Variants in DYM observed in about 807,000 individuals in gnomAD.
DYM encodes dymeclin.
DYM carries 78 observed loss-of-function variants against 93.1 expected under a neutral mutation model. The observed-to-expected ratio is 0.84, with a 90% CI of 0.70 to 1.01. The LOEUF (loss-of-function observed/expected upper bound fraction) is 1.01. DYM is among the 50% of genes least tolerant of loss of function. DYM has a pLI of 0.00. For synonymous variants in DYM, 321 were observed against 319.7 expected (o/e 1.00, Z -0.04); for missense variants, 789 against 845.0 (o/e 0.93, Z 0.82).
chr18:49,213,748 TCTCC>T (rs1471167767), intron 13 of DYM, among the ~76,000 whole-genome samples: 2 of 152,218 alleles, frequency 1.3e-5, no homozygotes, highest in Non-Finnish European at 2.9e-5. Context: ...TCTTCCCTCC[TCTCC>T]TTCCTTTGAG....
At chr18:49,143,621 T>A (rs1479241581) in intron 15 of DYM, among the ~76,000 whole-genome samples, 1 of 152,144 alleles carries the variant, frequency 6.6e-6, no homozygotes, top group Non-Finnish European at 1.5e-5. Context: ...TCTTTCTGAT[T>A]CCAATACTCA....
chr18:49,328,838 C>T (rs1205217960), intron 8 of DYM, among the ~76,000 whole-genome samples: 1 of 152,174 alleles, frequency 6.6e-6, no homozygotes, highest in Non-Finnish European at 1.5e-5. Flanking sequence ...GTTGGTGGGA[C>T]TGTAAACTAG....
At chr18:49,060,086 C>T (rs1449003748) in intron 17 of DYM, among the ~76,000 whole-genome samples, 3 of 151,932 alleles carry the variant, frequency 2.0e-5, no homozygotes, top group Non-Finnish European at 4.4e-5. Context: ...AAGATAAATG[C>T]AAATGAAAAA....
chr18:49,445,577 T>C (rs2082028865), intron 1 of DYM, among the ~76,000 whole-genome samples: 1 of 152,062 alleles, frequency 6.6e-6, no homozygotes, highest in Non-Finnish European at 1.5e-5. Context: ...AAGAACAATT[T>C]AGAAGATTTT....
chr18:49,106,214 G>A (rs529628327), intron 16 of DYM, among the ~76,000 whole-genome samples: 1 of 152,222 alleles, frequency 6.6e-6, no homozygotes, highest in Non-Finnish European at 1.5e-5. Flanking sequence ...TGTTTTATCA[G>A]AGACTAGGAT....
chr18:49,436,854 A>C (rs2080903264), intron 1 of DYM, among the ~76,000 whole-genome samples: 1 of 152,170 alleles, frequency 6.6e-6, no homozygotes, highest in South Asian at 2.1e-4. Flanking sequence ...AATCATAACA[A>C]TTTGTTCTCA....
At chr18:49,337,922 A>C (rs570852445) in intron 6 of DYM, among the ~76,000 whole-genome samples, 1 of 152,204 alleles carries the variant, frequency 6.6e-6, no homozygotes, top group African/African-American at 2.4e-5. Flanking sequence ...GTAGTTTTGA[A>C]GGAAAATAAG....
chr18:49,311,366 C>T (rs1351193470), intron 8 of DYM, among the ~76,000 whole-genome samples: 1 of 152,140 alleles, frequency 6.6e-6, no homozygotes, highest in Non-Finnish European at 1.5e-5. Flanking sequence ...AGAAAGTTCT[C>T]TCCAAAAGAA....
intron 8 of DYM, among the ~76,000 whole-genome samples, chr18:49,288,874 G>A (rs1270715084): frequency 2.0e-5 from 3 of 151,694 alleles, no homozygotes; most frequent in African/African-American, 7.3e-5. Flanking sequence ...ATACCAACAA[G>A]ACTTTATGTG....
chr18:49,080,785 G>T (rs1286196122), intron 17 of DYM, among the ~76,000 whole-genome samples: 1 of 149,994 alleles, frequency 6.7e-6, no homozygotes, highest in African/African-American at 2.5e-5. Context: ...CTTCTCAGAC[G>T]GGGCGGATGC....
chr18:49,381,858 T>C (rs2068070455), intron 3 of DYM, among the ~76,000 whole-genome samples: 1 of 151,630 alleles, frequency 6.6e-6, no homozygotes, highest in Non-Finnish European at 1.5e-5. Context: ...TATTCCTCTT[T>C]AAAGCTTTAG....
intron 17 of DYM, among the ~76,000 whole-genome samples, chr18:49,050,685 T>G (rs1482944755): frequency 6.6e-6 from 1 of 152,096 alleles, no homozygotes; most frequent in Non-Finnish European, 1.5e-5. Context: ...AGAGCTGCCA[T>G]GTACCAGGCA....
rs534946857 is a variant in DYM at position 49,333,731 on chromosome 18, G to A, written c.617C>T (p.Pro206Leu). 4.8e-5 allele frequency: 77 copies of A among 1,613,694 alleles called. No individual in the cohort carries two copies. In the Middle Eastern group the frequency reaches 5.0e-4, roughly 10 times the overall value. Reference sequence around the variant, plus strand: ...CATACTTAAAGTAGAAACATACCATGGACCTCGCATCAAATACTTGTGGCT... The same window carrying A: ...CATACTTAAAGTAGAAACATACCATAGACCTCGCATCAAATACTTGTGGCT... ...SISHKYLMRG[P>L]CLPYTSKLVK... The change falls in exon 7 of 18, where the codon CCA becomes CTA. Residue 206 changes from proline (P) to leucine (L), a missense_variant. Around this residue, in one of 3 missense-constraint regions of DYM, gnomAD observed 450 missense variants for 436.2 expected, o/e 1.03. Transcript: ENST00000675505.
chr18:49,300,244 TAAAC>T (rs2060832694), intron 8 of DYM, among the ~76,000 whole-genome samples: 1 of 151,656 alleles, frequency 6.6e-6, no homozygotes, highest in African/African-American at 2.4e-5. Flanking sequence ...ACATAAATAA[TAAAC>T]TTAACGTTAA....
intron 1 of DYM, among the ~76,000 whole-genome samples, chr18:49,457,863 G>C (rs2083130120): frequency 6.6e-6 from 1 of 152,176 alleles, no homozygotes; most frequent in Non-Finnish European, 1.5e-5. Flanking sequence ...AGAGACTTGA[G>C]GATGGAAGTA....
At chr18:49,386,894 T>G (rs2068677142) in intron 3 of DYM, among the ~76,000 whole-genome samples, 1 of 152,100 alleles carries the variant, frequency 6.6e-6, no homozygotes, top group Non-Finnish European at 1.5e-5. Context: ...TCACTTCATG[T>G]CTCTGCATCA....
In DYM at chr18:49,369,642, T is replaced by C. The variant is rs548077439; in HGVS notation, c.422-6409A>G. ...TTCAATCTAATAAATTCATGACTTT[T>C]TAGAAGTCCCTTTGCTGATATTTTA... On this transcript the variant is annotated intron_variant, in intron 5 of 17. Transcript: ENST00000675505. 2.0e-5 allele frequency among the ~76,000 whole-genome samples: 3 copies of C among 150,526 alleles called. No individual in the cohort carries two copies. In the East Asian group the frequency reaches 6.5e-4, roughly 32 times the overall value.
chr18:49,104,994 C>T (rs1345235792), intron 16 of DYM, among the ~76,000 whole-genome samples: 2 of 152,194 alleles, frequency 1.3e-5, no homozygotes, highest in African/African-American at 4.8e-5. Context: ...GTACCAGCTC[C>T]TCTTTGTACC....
At chr18:49,361,281 C>T (rs568777513) in intron 6 of DYM, among the ~76,000 whole-genome samples, 4 of 152,250 alleles carry the variant, frequency 2.6e-5, no homozygotes, top group South Asian at 4.1e-4. Context: ...GGCCATATCA[C>T]GACAGGGGTT....
Sources: allele counts gnomAD v4.1 joint callset (sites outside exome capture counted in the v4.1 genomes callset), GRCh38; gene constraint gnomAD v4.1.1; regional missense constraint gnomAD v4.1.1; transcripts MANE v1.5; gene names NCBI Gene and HGNC (gene_info 2026-07-23, HGNC 2026-07-21).